EYS: variants seen among roughly 807,000 people sequenced by gnomAD.
The protein encoded by EYS is EGF-like photoreceptor maintenance factor, also known as protein eyes shut homolog.
EYS carries 250 observed loss-of-function variants against 282.1 expected under a neutral mutation model. The ratio of observed to expected loss-of-function variants is 0.89; its 90% CI spans 0.80 to 0.98. The LOEUF (loss-of-function observed/expected upper bound fraction) is 0.98. Among genes scored for constraint, EYS ranks in the 50% least tolerant of loss-of-function variants. The probability of loss-of-function intolerance (pLI) is 0.00; values close to 1 mark genes in which losing one functional copy is unlikely to be tolerated. For missense variants in EYS, 4,016 were observed against 3,709.0 expected (o/e 1.08, Z -2.15); for synonymous variants, 1,355 against 1,282.9 (o/e 1.06, Z -1.20).
At chr6:64,194,162 C>T (rs9353595) in intron 31 of EYS, among the ~76,000 whole-genome samples, 35,041 of 152,022 alleles carry the variant, frequency 0.23, 4,904 homozygotes, top group East Asian at 0.44. Flanking sequence ...TGAGCCACCA[C>T]GCCAGGCCAT....
At chr6:63,907,625 T>C (rs934712088) in intron 35 of EYS, among the ~76,000 whole-genome samples, 1 of 152,170 alleles carries the variant, frequency 6.6e-6, no homozygotes, top group Non-Finnish European at 1.5e-5. Context: ...ACCAAGGCAT[T>C]CATTTTTTTA....
chr6:64,266,019 A>G (rs1767745513), intron 30 of EYS, among the ~76,000 whole-genome samples: 2 of 152,128 alleles, frequency 1.3e-5, no homozygotes, highest in Non-Finnish European at 2.9e-5. Context: ...TTTTTCAAAT[A>G]AAAATTGACA....
intron 13 of EYS, among the ~76,000 whole-genome samples, chr6:65,019,890 T>G (rs1007930718): frequency 7.2e-6 from 1 of 138,974 alleles, no homozygotes; most frequent in African/African-American, 3.0e-5. Context: ...AACATGTCCC[T>G]CTTCACATGG....
chr6:65,580,979 AT>A (rs1562270399), intron 2 of EYS, among the ~76,000 whole-genome samples: 1 of 152,104 alleles, frequency 6.6e-6, no homozygotes, highest in Admixed American at 6.6e-5. Flanking sequence ...ATAATTTGAC[AT>A]ATTTTAATCT....
At chr6:63,903,082 C>T (rs961518) in intron 35 of EYS, among the ~76,000 whole-genome samples, 74,271 of 151,958 alleles carry the variant, frequency 0.49, 19,623 homozygotes, top group African/African-American at 0.7. Context: ...GAATTTAATG[C>T]GCAACCAGTT....
intron 22 of EYS, among the ~76,000 whole-genome samples, chr6:64,792,999 AT>A (rs1481076523): frequency 6.6e-6 from 1 of 152,084 alleles, no homozygotes; most frequent in African/African-American, 2.4e-5. Flanking sequence ...TGGAAACATA[AT>A]TTTTATGCAT....
intron 12 of EYS, among the ~76,000 whole-genome samples, chr6:65,205,813 G>C (rs1766020314): frequency 6.6e-6 from 1 of 151,742 alleles, no homozygotes; most frequent in South Asian, 2.1e-4. Flanking sequence ...ATAAAATTAA[G>C]GAAGAAATCC....
rs192535646 is a variant in EYS, at chr6:65,205,131, A to T, written c.2023+90732T>A. On this transcript the variant is annotated intron_variant, in intron 12 of 42. Coordinates refer to ENST00000503581, the MANE Select transcript of EYS (RefSeq NM_001142800.2). ...AGAATATATATATATATCTATCTCC[A>T]ACTGTCGGCTGCCTATGAGAGAACC... Among the ~76,000 whole-genome samples the T allele has an allele frequency of 1.5e-4, 22 of 148,442 alleles. 1 individual carries two copies. The highest frequency in any genetic ancestry group is 5.4e-4 in the African/African-American group (22 of 40,778).
At chr6:63,781,235 C>G (rs766420688) in intron 39 of EYS, among the ~76,000 whole-genome samples, 4 of 152,128 alleles carry the variant, frequency 2.6e-5, no homozygotes, top group Non-Finnish European at 5.9e-5. Flanking sequence ...AATATGGGCT[C>G]TTTTTTGGTT....
At chr6:65,269,744 C>T (rs1303177094) in intron 12 of EYS, among the ~76,000 whole-genome samples, 2 of 152,108 alleles carry the variant, frequency 1.3e-5, no homozygotes, top group Middle Eastern at 3.2e-3. Flanking sequence ...TTTCAGACTG[C>T]TCACTTCTCG....
chr6:64,341,742 T>A (rs999183360), intron 29 of EYS, among the ~76,000 whole-genome samples: 1 of 151,714 alleles, frequency 6.6e-6, no homozygotes, highest in African/African-American at 2.4e-5. Context: ...ACTTCCTTCC[T>A]TTCCTTTATC....
At chr6:64,663,789 C>T (rs1769129309) in intron 22 of EYS, among the ~76,000 whole-genome samples, 3 of 152,162 alleles carry the variant, frequency 2.0e-5, no homozygotes, top group Admixed American at 2.0e-4. Flanking sequence ...AAGCCTCTTG[C>T]ACTCTGACCT....
At chr6:64,233,981 ATTT>A (rs1766509914) in intron 30 of EYS, among the ~76,000 whole-genome samples, 1 of 152,206 alleles carries the variant, frequency 6.6e-6, no homozygotes. Context: ...CTCAACAGAC[ATTT>A]GTCTGGCACA....
chr6:65,134,919 G>GA (rs1775981094), intron 12 of EYS, among the ~76,000 whole-genome samples: 1 of 151,940 alleles, frequency 6.6e-6, no homozygotes, highest in Admixed American at 6.6e-5. Context: ...TCCAGACCTA[G>GA]AAAAAATGGG....
chr6:63,971,289 C>A (rs147553410), intron 35 of EYS, among the ~76,000 whole-genome samples: 295 of 152,312 alleles, frequency 1.9e-3, no homozygotes, highest in African/African-American at 6.8e-3. Context: ...TTTATTTCAT[C>A]TGACTAACAT....
chr6:64,778,605 T>A (rs1014549812), intron 22 of EYS, among the ~76,000 whole-genome samples: 2 of 152,148 alleles, frequency 1.3e-5, no homozygotes, highest in African/African-American at 4.8e-5. Context: ...GAATGACAGA[T>A]AAGCCAGCAA....
At chr6:65,318,646 T>TA (rs1210570674) in intron 11 of EYS, among the ~76,000 whole-genome samples, 23 of 146,518 alleles carry the variant, frequency 1.6e-4, no homozygotes, top group Admixed American at 8.3e-4. Flanking sequence ...ATATATATAA[T>TA]ATATGTATTT....
At chr6:63,900,214 A>G (rs1170872068) in intron 35 of EYS, among the ~76,000 whole-genome samples, 2 of 152,176 alleles carry the variant, frequency 1.3e-5, no homozygotes, top group Non-Finnish European at 1.5e-5. Context: ...ATTTATCCTT[A>G]GCACAGAATA....
chr6:65,389,765 T>C (rs970815409), intron 7 of EYS, among the ~76,000 whole-genome samples: 2 of 152,038 alleles, frequency 1.3e-5, no homozygotes, highest in Non-Finnish European at 1.5e-5. Flanking sequence ...TTGGAATACA[T>C]TAAGTTTGAG....
Sources: allele counts gnomAD v4.1 joint callset (sites outside exome capture counted in the v4.1 genomes callset), GRCh38; gene constraint gnomAD v4.1.1; transcripts MANE v1.5; gene names NCBI Gene and HGNC (gene_info 2026-07-23, HGNC 2026-07-21).